Variants in RGMA observed in about 807,000 individuals in gnomAD.
The protein encoded by RGMA is repulsive guidance molecule A.
In RGMA, 10 loss-of-function variants were observed where a neutral mutation model predicts 23.2. That is an observed-to-expected ratio of 0.43 (90% CI 0.27 to 0.73). The LOEUF is 0.73. Among genes scored for constraint, RGMA ranks in the 30% least tolerant of loss-of-function variants. The pLI is 0.20. For synonymous variants in RGMA, 308 were observed against 279.3 expected (o/e 1.10, Z -1.03); for missense variants, 547 against 630.5 (o/e 0.87, Z 1.42).
At chr15:93,070,963 C>T (rs1308464364) in intron 2 of RGMA, among the ~76,000 whole-genome samples, 1 of 152,190 alleles carries the variant, frequency 6.6e-6, no homozygotes, top group Non-Finnish European at 1.5e-5. Flanking sequence ...AAACCACCAC[C>T]ACTCAGGCCA....
chr15:93,057,240 C>T (rs914359416), intron 2 of RGMA, among the ~76,000 whole-genome samples: 2 of 152,178 alleles, frequency 1.3e-5, no homozygotes, highest in Admixed American at 6.5e-5. Flanking sequence ...CCAGGGAGAG[C>T]GCTATAGACT....
At chr15:93,048,011 CA>C (rs2054853987) in intron 3 of RGMA, among the ~76,000 whole-genome samples, 1 of 152,146 alleles carries the variant, frequency 6.6e-6, no homozygotes, top group East Asian at 1.9e-4. Context: ...GCCCGGAGGC[CA>C]GGGGTGCAGC....
intron 1 of RGMA, 89 bp downstream of exon 1, chr15:93,088,830 G>A: frequency 1.6e-6 from 2 of 1,238,478 alleles, no homozygotes; most frequent in South Asian, 2.7e-5. Context: ...GGCTAAGGAA[G>A]ACCAAAGCAG....
At position 93,072,944 on chromosome 15, in the gene RGMA, G is replaced by A. The variant is rs1895380591; in HGVS notation, c.102C>T (p.Leu34=). The A allele has an allele frequency of 6.8e-6, 11 of 1,610,184 alleles. No individual in the cohort carries two copies. The highest frequency in any genetic ancestry group is 9.3e-6 in the Non-Finnish European group (11 of 1,178,524). The change falls in exon 2 of 4, where the codon CTC becomes CTT. Residue 34 remains leucine (L), a synonymous_variant. Coordinates refer to ENST00000329082, the MANE Select transcript of RGMA (RefSeq NM_020211.3). ...GRSALGFWPT[L]AFLLCSFPAA... Reference sequence around the variant, plus strand: ...CGGGGAAGCTGCAGAGAAGGAAGGCGAGGGTCGGCCAGAATCCCAGGGCTG... The same window carrying A: ...CGGGGAAGCTGCAGAGAAGGAAGGCAAGGGTCGGCCAGAATCCCAGGGCTG...
chr15:93,067,186 T>C lies in RGMA; in HGVS notation c.130+5730A>G, dbSNP rs913558763. On this transcript the variant is annotated intron_variant, in intron 2 of 3. Transcript: ENST00000329082. ...GTTGGATTTTGGGTTATTTTTATTT[T>C]ATTACTTATCCCTTTCAGCTTTCAG... Among the ~76,000 whole-genome samples the C allele has an allele frequency of 2.6e-5, 4 of 152,376 alleles. No individual in the cohort carries two copies. The South Asian group carries it at 8.3e-4, about 32-fold the overall frequency.
chr15:93,040,745 C>A lies in RGMA; in HGVS notation c.*4253G>T, dbSNP rs985081690. 9 of 152,362 alleles carry A rather than the reference C, an allele frequency of 5.9e-5. No individual in the cohort carries two copies. Among genetic ancestry groups the A allele is most frequent in the Admixed American group, 3.9e-4 (6 of 15,298 alleles). The allele number at this position is 152,362 out of a possible 1,614,324, so 9.4% of individuals were successfully genotyped here. A position where few individuals can be genotyped will look rare whatever the true frequency, so the allele number is the denominator to read the frequency against. On this transcript the variant is annotated 3_prime_UTR_variant, in exon 4 of 4. Transcript: ENST00000329082. ...GGGTCATTGCGGTAGCCCCTCACAC[C>A]CCCCTGAACAATGCTGGGTAGACAC...
intron 1 of RGMA, among the ~76,000 whole-genome samples, chr15:93,085,740 C>T (rs538505702): frequency 2.6e-4 from 39 of 152,252 alleles, no homozygotes; most frequent in Non-Finnish European, 4.6e-4. Flanking sequence ...CTTCTTCTTC[C>T]TGCCCTAAGA....
intron 1 of RGMA, chr15:93,088,613 G>A (rs910328992): frequency 9.5e-7 from 1 of 1,054,484 alleles, no homozygotes; most frequent in Non-Finnish European, 1.2e-6. Context: ...GCCGGGCTGA[G>A]GGAAGGAGCT....
Position 93,064,170 on chromosome 15 carries a change from G to GT in RGMA, c.130+8745_130+8746insA, listed in dbSNP as rs377399827. 1.3e-3 allele frequency among the ~76,000 whole-genome samples: 202 copies of GT among 152,256 alleles called. 1 individual carries two copies. In the Middle Eastern group the frequency reaches 0.02, roughly 15 times the overall value. Reference sequence around the variant, plus strand: ...GCCAAGGCCACAAGCAGCTTCAGTGGGGGGGCTGATAGCTTCTCTAGGCAA... The same window carrying GT: ...GCCAAGGCCACAAGCAGCTTCAGTGGTGGGGGCTGATAGCTTCTCTAGGCAA... On this transcript the variant is annotated intron_variant, in intron 2 of 3. Coordinates refer to ENST00000329082, the MANE Select transcript of RGMA (RefSeq NM_020211.3).
Position 93,076,364 on chromosome 15 carries a change from G to A in RGMA, c.15-3333C>T, listed in dbSNP as rs540748477. Among the ~76,000 whole-genome samples the A allele has an allele frequency of 3.0e-4, 46 of 152,280 alleles. No homozygotes were observed. In the South Asian group the frequency reaches 9.5e-3, roughly 32 times the overall value. Reference sequence around the variant, plus strand: ...GCATACGGCTGAAGTCTTCTCAGGGGCAGTGATAGTCAGGGGTTCCAACTT... The same window carrying A: ...GCATACGGCTGAAGTCTTCTCAGGGACAGTGATAGTCAGGGGTTCCAACTT... On this transcript the variant is annotated intron_variant, in intron 1 of 3. Coordinates refer to ENST00000329082, the MANE Select transcript of RGMA (RefSeq NM_020211.3).
intron 1 of RGMA, among the ~76,000 whole-genome samples, chr15:93,081,999 CAG>C (rs1199123764): frequency 6.6e-6 from 1 of 152,240 alleles, no homozygotes; most frequent in Non-Finnish European, 1.5e-5. Flanking sequence ...AGTCCGAACA[CAG>C]ACTCTCTAGA....
intron 2 of RGMA, among the ~76,000 whole-genome samples, chr15:93,063,968 T>C (rs568775692): frequency 7.9e-5 from 12 of 152,290 alleles, no homozygotes; most frequent in Admixed American, 7.8e-4. Flanking sequence ...CAGCCAGGGC[T>C]GCTTTGCCCC....
chr15:93,052,566 T>C, intron 2 of RGMA, 59 bp from the exon 3 acceptor site: 1 of 1,481,790 alleles, frequency 6.7e-7, no homozygotes, highest in South Asian at 1.3e-5. Context: ...CAGCTTCTGC[T>C]ACCATCTGTG....
intron 2 of RGMA, among the ~76,000 whole-genome samples, chr15:93,064,654 G>A (rs1895081419): frequency 6.6e-6 from 1 of 152,238 alleles, no homozygotes; most frequent in South Asian, 2.1e-4. Flanking sequence ...TAGGTGCGGA[G>A]GCATCACTGT....
At chr15:93,087,943 C>A (rs1248666958) in intron 1 of RGMA, among the ~76,000 whole-genome samples, 2 of 152,124 alleles carry the variant, frequency 1.3e-5, no homozygotes, top group African/African-American at 4.8e-5. Flanking sequence ...TCCCGCCTCT[C>A]CACCTTGTGC....
At chr15:93,073,071 C>A (rs1244889675) in intron 1 of RGMA, 40 bp from the exon 2 acceptor site, 1 of 1,512,808 alleles carries the variant, frequency 6.6e-7, no homozygotes, top group Non-Finnish European at 8.9e-7. Flanking sequence ...AAATAAATCA[C>A]GCTGCGAAGA....
At chr15:93,066,160 G>A (rs1895141576) in intron 2 of RGMA, 1 of 1,364,322 alleles carries the variant, frequency 7.3e-7, no homozygotes, top group East Asian at 2.4e-5. Context: ...AGTTACATTA[G>A]CGGCTTCTGC....
intron 2 of RGMA, among the ~76,000 whole-genome samples, chr15:93,063,374 C>T (rs1298912974): frequency 6.6e-6 from 1 of 152,254 alleles, no homozygotes; most frequent in Non-Finnish European, 1.5e-5. Context: ...CCCCTCCCCA[C>T]CCTCTCCTGT....
At chr15:93,048,794 G>A (rs1398244556) in intron 3 of RGMA, among the ~76,000 whole-genome samples, 3 of 151,980 alleles carry the variant, frequency 2.0e-5, no homozygotes, top group Non-Finnish European at 4.4e-5. Context: ...TGGGGGTGCC[G>A]GAGGTGGGCC....
Sources: allele counts gnomAD v4.1 joint callset (sites outside exome capture counted in the v4.1 genomes callset), GRCh38; gene constraint gnomAD v4.1.1; transcripts MANE v1.5; gene names NCBI Gene and HGNC (gene_info 2026-07-23, HGNC 2026-07-21).